Variants in TET3 observed in about 807,000 individuals in gnomAD.
TET3 encodes methylcytosine dioxygenase TET3.
In TET3, 19 loss-of-function variants were observed where a neutral mutation model predicts 141.4. That is an observed-to-expected ratio of 0.13 (90% confidence interval 0.09 to 0.20). TET3 has a LOEUF of 0.20. TET3 is among the 10% of genes least tolerant of loss of function. The probability of loss-of-function intolerance (pLI) is 1.00; values close to 1 mark genes in which losing one functional copy is unlikely to be tolerated. For missense variants in TET3, 1,874 were observed against 2,356.9 expected (o/e 0.80, Z 4.24); for synonymous variants, 1,043 against 980.9 (o/e 1.06, Z -1.18).
chr2:74,046,429 G>T lies in TET3; in HGVS notation c.512G>T (p.Gly171Val). 1 of 1,595,082 alleles carries T rather than the reference G, an allele frequency of 6.3e-7. No individual in the cohort carries two copies. Among genetic ancestry groups the T allele is most frequent in the Non-Finnish European group, 8.5e-7 (1 of 1,170,332 alleles). ...GCTGGACCCAGTCTGCTGGGGACTG[G>T]GGGTCCTTGGCGGGTAGACCAAAAG... ...EPAGPSLLGT[G>V]GPWRVDQKPD... The change falls in exon 4 of 12, where the codon GGG (glycine) becomes GTG (valine). Residue 171 changes from glycine (G) to valine (V), a missense_variant. This residue lies in a region of TET3 where 366 missense variants were observed against 487.0 expected (regional missense o/e 0.75). Transcript: ENST00000409262. This position sits in a 1 kb window ranked among gnomAD's most constrained non-coding sequence, Gnocchi z 4.3.
chr2:74,085,527 G>A (rs1690077524), intron 6 of TET3, among the ~76,000 whole-genome samples: 1 of 152,232 alleles, frequency 6.6e-6, no homozygotes, highest in Non-Finnish European at 1.5e-5. Flanking sequence ...GGTGCTCTAA[G>A]GCAGTGGTCC....
chr2:74,060,286 C>G (rs1688431903), intron 4 of TET3, among the ~76,000 whole-genome samples: 1 of 152,006 alleles, frequency 6.6e-6, no homozygotes, highest in South Asian at 2.1e-4. Context: ...AGTTCCTGTT[C>G]AAGTCATTTC....
chr2:74,073,704 G>A (rs537414366), intron 5 of TET3, 65 bp downstream of exon 5: 34 of 1,346,448 alleles, frequency 2.5e-5, no homozygotes, highest in African/African-American at 1.2e-4. Flanking sequence ...GATATTAAGC[G>A]CCTCTCATTT....
chr2:74,098,256 T>TA (rs1367885500), intron 10 of TET3, among the ~76,000 whole-genome samples: 1 of 152,098 alleles, frequency 6.6e-6, no homozygotes, highest in African/African-American at 2.4e-5. Context: ...GTTTATGGTA[T>TA]AAAAAAATTG....
chr2:74,048,407 C>T lies in TET3; in HGVS notation c.2490C>T (p.Cys830=), dbSNP rs769968860. The T allele has an allele frequency of 7.5e-6, 12 of 1,604,540 alleles. No individual in the cohort carries two copies. Among genetic ancestry groups the T allele is most frequent in the East Asian group, 2.2e-5 (1 of 44,754 alleles). Residue 830 remains cysteine, a synonymous_variant, in exon 4 of 12, where the codon TGC becomes TGT. Transcript: ENST00000409262. ...RAQAEFPTCD[C]VEQIVEKDEG... is the part of the protein sequence containing the mutation. ...AGGCCGAGTTCCCCACCTGCGATTG[C>T]GTCGGTAAGTCCGCCTGGGTATCAG...
intron 2 of TET3, among the ~76,000 whole-genome samples, chr2:73,995,480 C>CA (rs1684546921): frequency 6.6e-6 from 1 of 152,128 alleles, no homozygotes; most frequent in Non-Finnish European, 1.5e-5. Flanking sequence ...AGCAGATTGT[C>CA]AAGAGTATTC....
intron 2 of TET3, among the ~76,000 whole-genome samples, chr2:73,991,450 G>A (rs1360074757): frequency 6.6e-6 from 1 of 152,014 alleles, no homozygotes; most frequent in Non-Finnish European, 1.5e-5. Flanking sequence ...AGGCGTGGTG[G>A]TGGGTGCCTG....
chr2:74,035,469 G>GAA (rs57320103), intron 3 of TET3, among the ~76,000 whole-genome samples: 1 of 77,966 alleles, frequency 1.3e-5, no homozygotes, highest in African/African-American at 4.5e-5. Flanking sequence ...ATCTCAAAAA[G>GAA]AAAAAAAAAA....
At chr2:74,125,202 G>C in the TET3 span, among the ~76,000 whole-genome samples, 10 of 152,058 alleles carry the variant, frequency 6.6e-5, no homozygotes, top group Non-Finnish European at 1.2e-4. Context: ...GGCTGTTCTC[G>C]AACTCCTGAC....
the TET3 span, among the ~76,000 whole-genome samples, chr2:74,133,299 T>G: frequency 6.6e-6 from 1 of 152,210 alleles, no homozygotes; most frequent in African/African-American, 2.4e-5. Context: ...AATTATCAAT[T>G]GCTGCATAAA....
chr2:74,026,944 A>G (rs1031451733), intron 3 of TET3, among the ~76,000 whole-genome samples: 1 of 151,182 alleles, frequency 6.6e-6, no homozygotes, highest in African/African-American at 2.4e-5. Context: ...AGTTGCCACC[A>G]CTCCTACTGT....
intron 3 of TET3, among the ~76,000 whole-genome samples, chr2:74,036,715 G>C (rs1573753117): frequency 6.6e-6 from 1 of 152,198 alleles, no homozygotes; most frequent in Non-Finnish European, 1.5e-5. Context: ...ATGATACTCT[G>C]CCTGTCATAA....
chr2:74,121,628 A>T, the TET3 span: 1 of 152,232 alleles, frequency 6.6e-6, no homozygotes, highest in Non-Finnish European at 1.5e-5. Context: ...GTATAAATAA[A>T]GCTCCAAAGC....
chr2:74,050,694 C>T (rs1438482338), intron 4 of TET3, among the ~76,000 whole-genome samples: 8 of 151,960 alleles, frequency 5.3e-5, no homozygotes, highest in African/African-American at 1.7e-4. Context: ...GAATTACAGG[C>T]GCATGCCACC....
At chr2:74,072,757 C>A (rs749230518) in intron 4 of TET3, among the ~76,000 whole-genome samples, 1 of 152,160 alleles carries the variant, frequency 6.6e-6, no homozygotes, top group Non-Finnish European at 1.5e-5. Flanking sequence ...TCATTTCCTG[C>A]TCCTCCCAGC....
rs554287635 is a variant in TET3, at chr2:74,101,167, C to T, written c.4379C>T (p.Ser1460Leu). The T allele has an allele frequency of 1.2e-4, 191 of 1,613,734 alleles. 1 individual carries two copies. The highest frequency in any genetic ancestry group is 8.2e-4 in the South Asian group (75 of 91,028). Residue 1460 changes from serine (S) to leucine (L), a missense_variant, in exon 12 of 12, where the codon TCG becomes TTG. Physicochemically the swap from Ser to Leu is moderately radical, Grantham distance 145 (BLOSUM62 -2). Coordinates refer to ENST00000409262, the MANE Select transcript of TET3 (RefSeq NM_001287491.2). The surrounding 1 kb of genome is among the most constrained non-coding windows in gnomAD (Gnocchi z 8.5). ...GTGGGTGGCAGCTGGGGTGTGTTCT[C>T]GTCTGGGGAGAGTCCTGCCATCGTC... ...NGVGGSWGVF[S>L]SGESPAIVPD...
chr2:74,135,175 G>A, the TET3 span: 1 of 240,070 alleles, frequency 4.2e-6, no homozygotes, highest in South Asian at 6.1e-5. Context: ...AAGAAGTTTA[G>A]AGGGGGAAGA....
At chr2:74,030,067 G>A (rs961867734) in intron 3 of TET3, among the ~76,000 whole-genome samples, 6 of 152,110 alleles carry the variant, frequency 3.9e-5, no homozygotes, top group African/African-American at 7.2e-5. Context: ...CCAAGAGAAA[G>A]GACTCTGTTT....
At chr2:74,070,499 A>G (rs1304926224) in intron 4 of TET3, among the ~76,000 whole-genome samples, 2 of 152,230 alleles carry the variant, frequency 1.3e-5, no homozygotes, top group African/African-American at 4.8e-5. Flanking sequence ...GTGGGGACAC[A>G]GCTAGACCAT....
Sources: gnomAD v4.1 joint callset for allele counts (sites outside exome capture counted in the v4.1 genomes callset) on GRCh38, gnomAD v4.1.1 for gene constraint, gnomAD v4.1.1 regional missense constraint, Gnocchi (gnomAD v3.1) non-coding constraint, MANE v1.5 for transcripts, NCBI Gene and HGNC (gene_info 2026-07-23, HGNC 2026-07-21) for gene names.